The following FBXO34 variants were observed in gnomAD, a reference collection of about 807,000 sequenced individuals.
FBXO34 encodes the protein F-box only protein 34.
FBXO34 carries 12 observed loss-of-function variants against 24.5 expected under a neutral mutation model. The observed-to-expected ratio is 0.49, with a 90% CI of 0.31 to 0.79. FBXO34 has a LOEUF of 0.79. Ranked by LOEUF, FBXO34 falls within the 30% of genes least tolerant of loss-of-function variation. The pLI is 0.04. For synonymous variants in FBXO34, 320 were observed against 311.9 expected, an observed-to-expected ratio of 1.03 and a Z score of -0.27; for missense variants, 823 against 857.7, an observed-to-expected ratio of 0.96 and a Z score of 0.51.
chr14:55,366,606 T>C (rs757968298), downstream of FBXO34: 4 of 151,226 alleles, frequency 2.6e-5, no homozygotes, highest in Admixed American at 6.6e-5. Context: ...AATGGTGATA[T>C]ACTGTTTTTC....
At chr14:55,362,292 C>A (rs1007425502), downstream of FBXO34, among the ~76,000 whole-genome samples, 1 of 152,116 alleles carries the variant, frequency 6.6e-6, no homozygotes, top group African/African-American at 2.4e-5. Context: ...ACAGACAGTT[C>A]GTGGGCCTCC....
chr14:55,308,316 A>T lies in FBXO34; in HGVS notation c.-11+36779A>T, dbSNP rs17128402. Among the ~76,000 whole-genome samples the T allele has an allele frequency of 9.3e-3, 1,419 of 152,300 alleles. 32 individuals are homozygous for T. Among genetic ancestry groups the T allele is most frequent in the African/African-American group, 0.033 (1,370 of 41,562 alleles). On this transcript the variant is annotated intron_variant, in intron 1 of 1. Coordinates refer to ENST00000313833, the MANE Select transcript of FBXO34 (RefSeq NM_017943.4). Reference sequence around the variant, plus strand: ...GTTTGTTCTTCAGGAGATCTACTGGATAGTTTTAAAGGTATTTAATGTATG... The same window carrying T: ...GTTTGTTCTTCAGGAGATCTACTGGTTAGTTTTAAAGGTATTTAATGTATG...
chr14:55,352,254 G>A lies in FBXO34; in HGVS notation c.1864G>A (p.Val622Ile). 1 of 1,614,062 alleles carries A rather than the reference G, an allele frequency of 6.2e-7. No homozygotes were observed. Among genetic ancestry groups the A allele is most frequent in the East Asian group, 2.2e-5 (1 of 44,870 alleles). Residue 622 changes from valine to isoleucine, a missense_variant, in exon 2 of 2, where the codon GTT becomes ATT. Around this residue, in one of 2 missense-constraint regions of FBXO34, gnomAD observed 130 missense variants for 198.6 expected, o/e 0.65. Coordinates refer to ENST00000313833, the MANE Select transcript of FBXO34 (RefSeq NM_017943.4). Reference sequence around the variant, plus strand: ...TATCAGGCCAGCAGATTCTCGCTGGGTTCGAGATCCACGCTATAGAGAGGA... The same window carrying A: ...TATCAGGCCAGCAGATTCTCGCTGGATTCGAGATCCACGCTATAGAGAGGA... ...YNIRPADSRWVRDPRYREDPC... is the reference protein window; with the variant it reads ...YNIRPADSRWIRDPRYREDPC...
At chr14:55,281,416 T>C (rs957267244) in intron 1 of FBXO34, among the ~76,000 whole-genome samples, 2 of 152,204 alleles carry the variant, frequency 1.3e-5, no homozygotes, top group African/African-American at 4.8e-5. Context: ...GACGTTTTTT[T>C]ATAATTCCAT....
chr14:55,434,384 A>G, the FBXO34 span, among the ~76,000 whole-genome samples: 11 of 152,182 alleles, frequency 7.2e-5, no homozygotes, highest in Non-Finnish European at 1.3e-4. Flanking sequence ...TGGACGTGTC[A>G]TCAAATGGCC....
chr14:55,385,660 T>G, the FBXO34 span, among the ~76,000 whole-genome samples: 1 of 152,302 alleles, frequency 6.6e-6, no homozygotes, highest in South Asian at 2.1e-4. Context: ...AGTACACAAG[T>G]GTGGGCCCCA....
At chr14:55,275,869 G>A (rs2139624731) in intron 1 of FBXO34, among the ~76,000 whole-genome samples, 1 of 145,900 alleles carries the variant, frequency 6.9e-6, no homozygotes, top group South Asian at 2.2e-4. Context: ...ATGCTAGATT[G>A]GCCAGAGGTG....
At chr14:55,306,352 ATTG>A (rs1882544368) in intron 1 of FBXO34, among the ~76,000 whole-genome samples, 1 of 152,218 alleles carries the variant, frequency 6.6e-6, no homozygotes, top group African/African-American at 2.4e-5. Flanking sequence ...TTGCACTTCT[ATTG>A]TTTGTGAAAC....
chr14:55,381,531 T>C, the FBXO34 span, among the ~76,000 whole-genome samples: 1 of 152,194 alleles, frequency 6.6e-6, no homozygotes, highest in Non-Finnish European at 1.5e-5. Context: ...ATAAATAAAA[T>C]GTGTCTTATC....
the FBXO34 span, chr14:55,394,853 T>C: frequency 3.1e-6 from 1 of 327,016 alleles, no homozygotes; most frequent in Non-Finnish European, 5.9e-6. Context: ...AATGCTAAGC[T>C]GACACCCAAG....
the FBXO34 span, among the ~76,000 whole-genome samples, chr14:55,442,944 C>A: frequency 8.5e-5 from 13 of 152,102 alleles, no homozygotes; most frequent in African/African-American, 2.2e-4. Flanking sequence ...CAGCCATCTG[C>A]GAATGAAAGA....
At chr14:55,336,843 AC>A (rs1381536469) in intron 1 of FBXO34, among the ~76,000 whole-genome samples, 2 of 151,512 alleles carry the variant, frequency 1.3e-5, no homozygotes, top group East Asian at 3.9e-4. Context: ...AAAATGCTAT[AC>A]ACATATAGAA....
Position 55,350,789 on chromosome 14 carries a change from A to T in FBXO34, c.399A>T (p.Gly133=). The T allele has an allele frequency of 6.2e-7, 1 of 1,605,754 alleles. No individual in the cohort carries two copies. Among genetic ancestry groups the T allele is most frequent in the Non-Finnish European group, 8.5e-7 (1 of 1,177,562 alleles). The change falls in exon 2 of 2, where the codon GGA becomes GGT. Residue 133 remains glycine (G), a synonymous_variant. Transcript: ENST00000313833. ...FASHQCSNRI[G]SMKIKSSWDI... Reference sequence around the variant, plus strand: ...CCCACCAGTGTAGTAACAGGATAGGATCTATGAAAATAAAAAGTTCCTGGG... The same window carrying T: ...CCCACCAGTGTAGTAACAGGATAGGTTCTATGAAAATAAAAAGTTCCTGGG...
chr14:55,328,965 T>G (rs983477916), intron 1 of FBXO34, among the ~76,000 whole-genome samples: 1 of 151,914 alleles, frequency 6.6e-6, no homozygotes, highest in Non-Finnish European at 1.5e-5. Flanking sequence ...CTAGTATTCT[T>G]CACAGAAAGT....
downstream of FBXO34, among the ~76,000 whole-genome samples, chr14:55,372,855 C>T (rs1884849138): frequency 6.6e-6 from 1 of 152,112 alleles, no homozygotes; most frequent in Non-Finnish European, 1.5e-5. Flanking sequence ...CGGTGGACTC[C>T]GGTTCTCTGC....
At chr14:55,306,743 G>T (rs139092724) in intron 1 of FBXO34, among the ~76,000 whole-genome samples, 66 of 152,324 alleles carry the variant, frequency 4.3e-4, no homozygotes, top group Middle Eastern at 6.8e-3. Context: ...TGAGGCAGGA[G>T]AATTACTTGA....
At chr14:55,380,474 AC>A in the FBXO34 span, 1 of 772,762 alleles carries the variant, frequency 1.3e-6, no homozygotes, top group Non-Finnish European at 2.2e-6. Flanking sequence ...TCTTGGTAAT[AC>A]TTACATTCTT....
the FBXO34 span, among the ~76,000 whole-genome samples, chr14:55,399,795 T>C: frequency 6.6e-6 from 1 of 152,196 alleles, no homozygotes; most frequent in South Asian, 2.1e-4. Context: ...TCAGAGGCCA[T>C]AAAAGTTCTC....
the FBXO34 span, among the ~76,000 whole-genome samples, chr14:55,387,230 G>T: frequency 6.6e-6 from 1 of 152,052 alleles, no homozygotes; most frequent in African/African-American, 2.4e-5. Context: ...CTCCAAATTG[G>T]TACATATCCC....
Sources: gnomAD v4.1 joint callset for allele counts (sites outside exome capture counted in the v4.1 genomes callset) on GRCh38, gnomAD v4.1.1 for gene constraint, gnomAD v4.1.1 regional missense constraint, MANE v1.5 for transcripts, NCBI Gene and HGNC (gene_info 2026-07-23, HGNC 2026-07-21) for gene names.